Variants in TRABD2B observed in about 807,000 individuals in gnomAD.
TRABD2B encodes the protein TraB domain containing 2B, also known as metalloprotease TIKI2.
Under a neutral mutation model 40.1 loss-of-function variants are expected in TRABD2B, and 14 were observed. The observed-to-expected ratio is 0.35, with a 90% CI of 0.23 to 0.55. The LOEUF is 0.55. Ranked by LOEUF, TRABD2B falls within the 20% of genes least tolerant of loss-of-function variation. The probability of loss-of-function intolerance (pLI) is 0.90; values close to 1 mark genes in which losing one functional copy is unlikely to be tolerated. For missense variants in TRABD2B, 541 were observed against 648.6 expected (o/e 0.83, Z 1.80); for synonymous variants, 263 against 277.0 (o/e 0.95, Z 0.50).
At chr1:47,978,823 T>C (rs1645798701) in intron 2 of TRABD2B, among the ~76,000 whole-genome samples, 1 of 152,218 alleles carries the variant, frequency 6.6e-6, no homozygotes, top group African/African-American at 2.4e-5. Context: ...TTAGCAGCTT[T>C]CATTTATATT....
At chr1:47,900,262 C>T (rs189438241) in intron 2 of TRABD2B, among the ~76,000 whole-genome samples, 2 of 152,214 alleles carry the variant, frequency 1.3e-5, no homozygotes, top group East Asian at 3.9e-4. Flanking sequence ...GCCCACAATA[C>T]TCTCTCTCCC....
At chr1:47,841,963 G>A (rs1009115738) in intron 2 of TRABD2B, among the ~76,000 whole-genome samples, 40 of 151,700 alleles carry the variant, frequency 2.6e-4, no homozygotes, top group African/African-American at 9.2e-4. Flanking sequence ...TAGTAGAGAT[G>A]GGGTTTCACG....
At chr1:47,894,581 T>C (rs948387076) in intron 2 of TRABD2B, among the ~76,000 whole-genome samples, 4 of 152,070 alleles carry the variant, frequency 2.6e-5, no homozygotes, top group Non-Finnish European at 1.5e-5. Flanking sequence ...CTATGTGAGA[T>C]ATGGCAGTCA....
intron 2 of TRABD2B, among the ~76,000 whole-genome samples, chr1:47,918,014 A>C (rs1644852414): frequency 6.6e-6 from 1 of 152,192 alleles, no homozygotes; most frequent in South Asian, 2.1e-4. Flanking sequence ...GAAGAGCTGA[A>C]GGTCAGAATA....
intron 2 of TRABD2B, among the ~76,000 whole-genome samples, chr1:47,924,591 C>A (rs1353506710): frequency 6.6e-6 from 1 of 152,202 alleles, no homozygotes; most frequent in Admixed American, 6.5e-5. Flanking sequence ...TCAGACTTGA[C>A]CCCCAGCTGT....
intron 2 of TRABD2B, among the ~76,000 whole-genome samples, chr1:47,845,960 C>T (rs1002184264): frequency 6.6e-6 from 1 of 152,132 alleles, no homozygotes; most frequent in African/African-American, 2.4e-5. Flanking sequence ...TTCCTCTTTC[C>T]AGGGCTGACC....
intron 2 of TRABD2B, among the ~76,000 whole-genome samples, chr1:47,839,029 C>T (rs1211445350): frequency 6.6e-6 from 1 of 152,214 alleles, no homozygotes. Flanking sequence ...GGCCATCAGT[C>T]CTGGTCCCCA....
At chr1:47,776,412 A>G (rs1420926448) in intron 5 of TRABD2B, among the ~76,000 whole-genome samples, 2 of 152,202 alleles carry the variant, frequency 1.3e-5, no homozygotes, top group East Asian at 3.9e-4. Context: ...TGTCATGAGG[A>G]TGAATGAGAT....
intron 1 of TRABD2B, among the ~76,000 whole-genome samples, chr1:47,995,053 T>G (rs1404660400): frequency 6.6e-6 from 1 of 152,036 alleles, no homozygotes; most frequent in East Asian, 1.9e-4. Flanking sequence ...TGGTGTTTCA[T>G]GCGGAGGGTG....
intron 2 of TRABD2B, among the ~76,000 whole-genome samples, chr1:47,949,897 G>C (rs1391105628): frequency 6.6e-6 from 1 of 152,190 alleles, no homozygotes; most frequent in Non-Finnish European, 1.5e-5. Context: ...GATGTACCAG[G>C]CATGGAGCCT....
intron 5 of TRABD2B, among the ~76,000 whole-genome samples, chr1:47,775,821 G>A (rs1380002908): frequency 6.6e-6 from 1 of 152,156 alleles, no homozygotes; most frequent in East Asian, 1.9e-4. Context: ...ATGAAACAGA[G>A]ACAGGTGTGA....
intron 2 of TRABD2B, among the ~76,000 whole-genome samples, chr1:47,874,077 G>C (rs1226121678): frequency 6.6e-6 from 1 of 152,032 alleles, no homozygotes; most frequent in African/African-American, 2.4e-5. Flanking sequence ...AGAGTGAGTA[G>C]CTTGTAAAAA....
chr1:47,967,779 A>G (rs946033784), intron 2 of TRABD2B, among the ~76,000 whole-genome samples: 2 of 152,270 alleles, frequency 1.3e-5, no homozygotes, highest in African/African-American at 2.4e-5. Context: ...TATAAATGAC[A>G]CTGAGTCTCC....
chr1:47,860,181 GCACTCCTT>G (rs1220429246), intron 2 of TRABD2B, among the ~76,000 whole-genome samples: 1 of 152,166 alleles, frequency 6.6e-6, no homozygotes, highest in Non-Finnish European at 1.5e-5. Flanking sequence ...ATCACCACCT[GCACTCCTT>G]CATTCCTGCT....
chr1:47,983,900 A>G lies in TRABD2B; in HGVS notation c.666+10134T>C, dbSNP rs111568505. 1.4e-3 allele frequency among the ~76,000 whole-genome samples: 207 copies of G among 152,366 alleles called. 1 individual carries two copies. The highest frequency in any genetic ancestry group is 4.7e-3 in the African/African-American group (196 of 41,582). On this transcript the variant is annotated intron_variant, in intron 2 of 6. Transcript: ENST00000606738. Reference sequence around the variant, plus strand: ...CAAATGGTTGAAATTATCATTGCCAATTAGGCTTTTGTCTCTTTTCAGACT... The same window carrying G: ...CAAATGGTTGAAATTATCATTGCCAGTTAGGCTTTTGTCTCTTTTCAGACT...
intron 3 of TRABD2B, among the ~76,000 whole-genome samples, chr1:47,795,116 C>A (rs1488418548): frequency 6.6e-6 from 1 of 152,212 alleles, no homozygotes; most frequent in Admixed American, 6.5e-5. Context: ...GATAAGTATG[C>A]ACAGCCCCAG....
intron 2 of TRABD2B, among the ~76,000 whole-genome samples, chr1:47,941,542 T>C (rs1304137795): frequency 6.6e-6 from 1 of 152,254 alleles, no homozygotes; most frequent in African/African-American, 2.4e-5. Flanking sequence ...ACTTCCAATT[T>C]ACCTGGACAC....
intron 6 of TRABD2B, among the ~76,000 whole-genome samples, chr1:47,772,618 A>G (rs919096696): frequency 6.6e-6 from 1 of 152,132 alleles, no homozygotes; most frequent in Non-Finnish European, 1.5e-5. Context: ...GAGAAAAATG[A>G]GAAATGGGAG....
chr1:47,942,317 G>A (rs920576943), intron 2 of TRABD2B, among the ~76,000 whole-genome samples: 1 of 152,192 alleles, frequency 6.6e-6, no homozygotes, highest in Non-Finnish European at 1.5e-5. Context: ...CATTGGCCCA[G>A]AGCATTTAAG....
Sources: gnomAD v4.1 joint callset for allele counts (sites outside exome capture counted in the v4.1 genomes callset) on GRCh38, gnomAD v4.1.1 for gene constraint, MANE v1.5 for transcripts, NCBI Gene and HGNC (gene_info 2026-07-23, HGNC 2026-07-21) for gene names.